Variants in NR3C2 observed in about 807,000 individuals in gnomAD.
The protein encoded by NR3C2 is mineralocorticoid receptor.
NR3C2 carries 15 observed loss-of-function variants against 86.4 expected under a neutral mutation model. The ratio of observed to expected loss-of-function variants is 0.17; its 90% CI spans 0.12 to 0.27. NR3C2 has a LOEUF of 0.27. Ranked by LOEUF, NR3C2 falls within the 10% of genes least tolerant of loss-of-function variation. The pLI, the probability that NR3C2 is intolerant of heterozygous loss-of-function variation, is 1.00. For missense variants in NR3C2, 960 were observed against 1,195.6 expected (o/e 0.80, Z 2.91); for synonymous variants, 458 against 450.5 (o/e 1.02, Z -0.21).
chr4:148,338,139 T>C (rs551180353), intron 2 of NR3C2, among the ~76,000 whole-genome samples: 1 of 152,326 alleles, frequency 6.6e-6, no homozygotes, highest in Admixed American at 6.5e-5. Flanking sequence ...ATTATTGTTA[T>C]TATTTAGGAA....
At chr4:148,146,279 C>A (rs1733864324) in intron 6 of NR3C2, among the ~76,000 whole-genome samples, 1 of 152,144 alleles carries the variant, frequency 6.6e-6, no homozygotes, top group African/African-American at 2.4e-5. Flanking sequence ...ATCCACCACT[C>A]CCTGTGGGAA....
At chr4:148,099,529 CTAT>C (rs369994819) in intron 8 of NR3C2, among the ~76,000 whole-genome samples, 34 of 152,212 alleles carry the variant, frequency 2.2e-4, no homozygotes, top group African/African-American at 7.9e-4. Flanking sequence ...GTAAGCATTA[CTAT>C]TATTTTCTTT....
At chr4:148,135,162 T>C (rs1324889048) in intron 6 of NR3C2, among the ~76,000 whole-genome samples, 1 of 152,148 alleles carries the variant, frequency 6.6e-6, no homozygotes, top group Non-Finnish European at 1.5e-5. Flanking sequence ...GTGGTATGGT[T>C]TGAGTGTGTC....
At chr4:148,299,334 C>T (rs1378992125) in intron 2 of NR3C2, among the ~76,000 whole-genome samples, 1 of 152,070 alleles carries the variant, frequency 6.6e-6, no homozygotes, top group African/African-American at 2.4e-5. Context: ...CCTTGGACTT[C>T]TTCTGAGGGT....
chr4:148,104,578 C>G (rs1187978506), intron 8 of NR3C2, among the ~76,000 whole-genome samples: 1 of 152,066 alleles, frequency 6.6e-6, no homozygotes, highest in Non-Finnish European at 1.5e-5. Flanking sequence ...CTCTCGATGT[C>G]TCTTACATAC....
chr4:148,314,423 G>T (rs1743063839), intron 2 of NR3C2, among the ~76,000 whole-genome samples: 1 of 152,114 alleles, frequency 6.6e-6, no homozygotes, highest in African/African-American at 2.4e-5. Context: ...GAAAGGTGCT[G>T]TGCATTTGCT....
intron 8 of NR3C2, among the ~76,000 whole-genome samples, chr4:148,102,202 C>G (rs562150654): frequency 2.0e-5 from 3 of 152,266 alleles, no homozygotes; most frequent in African/African-American, 7.2e-5. Context: ...CCCATTTGAC[C>G]ACAGTGTTTC....
chr4:148,102,531 T>G (rs1002581714), intron 8 of NR3C2, among the ~76,000 whole-genome samples: 3 of 152,104 alleles, frequency 2.0e-5, no homozygotes, highest in Non-Finnish European at 4.4e-5. Flanking sequence ...GGAGTTCTCT[T>G]TGACTTGCTC....
intron 4 of NR3C2, among the ~76,000 whole-genome samples, chr4:148,189,309 GT>G (rs1736087407): frequency 6.6e-6 from 1 of 151,948 alleles, no homozygotes; most frequent in South Asian, 2.1e-4. Flanking sequence ...TGATTTTTTT[GT>G]TTTTAATTCT....
chr4:148,208,653 T>A (rs1737124939), intron 3 of NR3C2: 1 of 152,240 alleles, frequency 6.6e-6, no homozygotes, highest in African/African-American at 2.4e-5. Flanking sequence ...TCTCATGATG[T>A]CCTACTCAGA....
At chr4:148,108,192 C>T (rs1266271181) in intron 8 of NR3C2, among the ~76,000 whole-genome samples, 2 of 152,058 alleles carry the variant, frequency 1.3e-5, no homozygotes, top group African/African-American at 4.8e-5. Flanking sequence ...CAGCCTCTGC[C>T]TCCTGGGCTC....
chr4:148,175,575 C>T (rs140795597), intron 4 of NR3C2, among the ~76,000 whole-genome samples: 31 of 152,160 alleles, frequency 2.0e-4, no homozygotes, highest in Middle Eastern at 6.8e-3. Context: ...GTTTTTAATG[C>T]CATGAAATTT....
At chr4:148,309,064 G>C (rs1448707470) in intron 2 of NR3C2, among the ~76,000 whole-genome samples, 1 of 152,010 alleles carries the variant, frequency 6.6e-6, no homozygotes, top group Non-Finnish European at 1.5e-5. Flanking sequence ...AAAAGTTTGA[G>C]ATGATGGATA....
rs571556745 is a variant in NR3C2 at position 148,154,558 on chromosome 4, T to C, written c.2358A>G (p.Val786=). The C allele has an allele frequency of 6.8e-6, 11 of 1,614,150 alleles. No homozygotes were observed. Among genetic ancestry groups the C allele is most frequent in the East Asian group, 6.7e-5 (3 of 44,874 alleles). ...AAGGAGAGGCAATCCTACCTGGAAG[T>C]ACCTTTGCCCACTTCACGACTTGGA... ...QMIQVVKWAK[V]LPGFKNLPLE... The change falls in exon 5 of 9, where the codon GTA becomes GTG. Residue 786 remains valine (V), a synonymous_variant. Coordinates refer to ENST00000358102, the MANE Select transcript of NR3C2 (RefSeq NM_000901.5).
intron 2 of NR3C2, among the ~76,000 whole-genome samples, chr4:148,363,616 GC>G (rs1745963288): frequency 6.8e-6 from 1 of 147,920 alleles, no homozygotes; most frequent in Non-Finnish European, 1.5e-5. Context: ...CCATACTCCT[GC>G]CTCAGCCTCC....
At chr4:148,292,838 T>C (rs1301968959) in intron 2 of NR3C2, among the ~76,000 whole-genome samples, 1 of 152,136 alleles carries the variant, frequency 6.6e-6, no homozygotes, top group Non-Finnish European at 1.5e-5. Context: ...GGTTAAAGTC[T>C]ATAGAAAAAT....
chr4:148,094,750 A>C (rs1731207846), intron 8 of NR3C2, among the ~76,000 whole-genome samples: 1 of 152,070 alleles, frequency 6.6e-6, no homozygotes, highest in Admixed American at 6.6e-5. Flanking sequence ...AAAACAAAAA[A>C]AAAACAAAAT....
intron 2 of NR3C2, among the ~76,000 whole-genome samples, chr4:148,300,868 G>A (rs1004067808): frequency 1.3e-5 from 2 of 152,122 alleles, no homozygotes; most frequent in Non-Finnish European, 2.9e-5. Flanking sequence ...CACCGCGCCC[G>A]ACCTTGCCTT....
chr4:148,359,535 A>G (rs897582847), intron 2 of NR3C2, among the ~76,000 whole-genome samples: 2 of 152,192 alleles, frequency 1.3e-5, no homozygotes, highest in African/African-American at 4.8e-5. Context: ...GAATATCAAT[A>G]AATTTTATAT....
Sources: gnomAD v4.1 joint callset for allele counts (sites outside exome capture counted in the v4.1 genomes callset) on GRCh38, gnomAD v4.1.1 for gene constraint, MANE v1.5 for transcripts, NCBI Gene and HGNC (gene_info 2026-07-23, HGNC 2026-07-21) for gene names.